Variants in PDE1C observed in about 807,000 individuals in gnomAD.
PDE1C encodes dual specificity calcium/calmodulin-dependent 3',5'-cyclic nucleotide phosphodiesterase 1C.
Under a neutral mutation model 93.1 loss-of-function variants are expected in PDE1C, and 62 were observed. That is an observed-to-expected ratio of 0.67 (90% confidence interval 0.54 to 0.82). The LOEUF is 0.82. Ranked by LOEUF, PDE1C falls within the 40% of genes least tolerant of loss-of-function variation. The pLI is 0.00. For missense variants in PDE1C, 742 were observed against 884.6 expected (o/e 0.84, Z 2.04); for synonymous variants, 325 against 310.1 (o/e 1.05, Z -0.50).
chr7:31,961,473 G>C (rs1360585840), intron 2 of PDE1C, among the ~76,000 whole-genome samples: 3 of 152,100 alleles, frequency 2.0e-5, no homozygotes, highest in African/African-American at 7.2e-5. Flanking sequence ...TAGTATCAGA[G>C]TGTGTGAGAT....
chr7:32,297,192 T>A (rs1252991032), intron 1 of PDE1C, among the ~76,000 whole-genome samples: 1 of 152,154 alleles, frequency 6.6e-6, no homozygotes, highest in Non-Finnish European at 1.5e-5. Flanking sequence ...GTTCAGTCCA[T>A]GCCCCAGAAA....
At chr7:32,085,486 C>G (rs1285379057) in intron 3 of PDE1C, among the ~76,000 whole-genome samples, 1 of 149,064 alleles carries the variant, frequency 6.7e-6, no homozygotes, top group African/African-American at 2.5e-5. Context: ...AGAGGGAATC[C>G]TCCCTAACTC....
intron 2 of PDE1C, among the ~76,000 whole-genome samples, chr7:31,942,444 C>T (rs1351458880): frequency 6.6e-6 from 1 of 152,066 alleles, no homozygotes; most frequent in Admixed American, 6.5e-5. Flanking sequence ...ATGAACCTGG[C>T]AGGATGTTGT....
At chr7:32,355,126 C>T (rs1238364795) in intron 1 of PDE1C, among the ~76,000 whole-genome samples, 1 of 152,206 alleles carries the variant, frequency 6.6e-6, no homozygotes, top group Non-Finnish European at 1.5e-5. Flanking sequence ...TAACTAACCA[C>T]AGCTCCTTCA....
At chr7:31,930,826 G>A (rs1422536568) in intron 2 of PDE1C, among the ~76,000 whole-genome samples, 1 of 117,946 alleles carries the variant, frequency 8.5e-6, no homozygotes, top group African/African-American at 3.5e-5. Flanking sequence ...TCCAGCCTGG[G>A]CAACAGAGCA....
chr7:31,908,134 A>G (rs1049133365), intron 2 of PDE1C, among the ~76,000 whole-genome samples: 6 of 152,198 alleles, frequency 3.9e-5, no homozygotes, highest in African/African-American at 9.6e-5. Context: ...TAATATTGCT[A>G]AAAAAGTGAA....
chr7:31,804,823 T>C (rs1001885474), intron 16 of PDE1C, among the ~76,000 whole-genome samples: 3 of 151,790 alleles, frequency 2.0e-5, no homozygotes, highest in African/African-American at 7.3e-5. Context: ...GGCTATTAAG[T>C]GACAGGTGGG....
At chr7:31,944,947 C>A (rs908815786) in intron 2 of PDE1C, among the ~76,000 whole-genome samples, 21 of 152,216 alleles carry the variant, frequency 1.4e-4, no homozygotes, top group African/African-American at 4.8e-4. Context: ...ATACAGAGTT[C>A]TTTCCCCTGC....
chr7:32,379,600 GT>G (rs1157875532), intron 1 of PDE1C, among the ~76,000 whole-genome samples: 1 of 152,092 alleles, frequency 6.6e-6, no homozygotes, highest in Non-Finnish European at 1.5e-5. Context: ...TTTCCTGAGG[GT>G]TTCTCTCTGG....
At chr7:32,267,125 A>C (rs62457471) in intron 1 of PDE1C, among the ~76,000 whole-genome samples, 15,162 of 152,296 alleles carry the variant, frequency 0.1, 830 homozygotes, top group Non-Finnish European at 0.1. Flanking sequence ...CAAAGCCCTG[A>C]GCAGCGGCGG....
intron 1 of PDE1C, among the ~76,000 whole-genome samples, chr7:32,347,299 C>T (rs1235537360): frequency 6.6e-6 from 1 of 152,266 alleles, no homozygotes; most frequent in African/African-American, 2.4e-5. Context: ...CTGAGTAGTA[C>T]ATGGTATTGA....
At chr7:31,768,271 A>G (rs898896101) in intron 17 of PDE1C, among the ~76,000 whole-genome samples, 1 of 152,176 alleles carries the variant, frequency 6.6e-6, no homozygotes, top group Admixed American at 6.5e-5. Flanking sequence ...ATAAATGCTA[A>G]GAAGGCCAGT....
chr7:31,926,500 G>A (rs868075745), intron 2 of PDE1C, among the ~76,000 whole-genome samples: 17 of 152,338 alleles, frequency 1.1e-4, no homozygotes, highest in South Asian at 4.1e-4. Flanking sequence ...CTACCAGTTG[G>A]ATGGCCAAAT....
intron 2 of PDE1C, among the ~76,000 whole-genome samples, chr7:32,177,390 G>A (rs1803074825): frequency 6.6e-6 from 1 of 152,182 alleles, no homozygotes; most frequent in South Asian, 2.1e-4. Context: ...AACTTGAGCT[G>A]TAACATCTGC....
At chr7:31,763,487 C>T (rs1794957173) in intron 17 of PDE1C, among the ~76,000 whole-genome samples, 1 of 152,144 alleles carries the variant, frequency 6.6e-6, no homozygotes, top group Non-Finnish European at 1.5e-5. Context: ...TGGGGCACGT[C>T]ACAGAGCTAA....
At position 32,151,230 on chromosome 7, in the gene PDE1C, C is replaced by A. The variant is rs111732416; in HGVS notation, c.308+18555G>T. On this transcript the variant is annotated intron_variant, in intron 3 of 18. Coordinates refer to the PDE1C transcript ENST00000396193. Reference sequence around the variant, plus strand: ...TTTTAAGTTAGAACCAGCCCCACCCCCACAAACAGAATGATAAAGGACTCC... The same window carrying A: ...TTTTAAGTTAGAACCAGCCCCACCCACACAAACAGAATGATAAAGGACTCC... Among the ~76,000 whole-genome samples the A allele has an allele frequency of 1.2e-3, 185 of 152,246 alleles. 1 individual carries two copies. The highest frequency in any genetic ancestry group is 4.3e-3 in the African/African-American group (177 of 41,550).
intron 1 of PDE1C, among the ~76,000 whole-genome samples, chr7:32,210,281 C>G (rs559942953): frequency 2.6e-5 from 4 of 152,300 alleles, no homozygotes; most frequent in Admixed American, 6.5e-5. Flanking sequence ...ATGTTTCATG[C>G]CCATAAACAT....
chr7:31,682,701 A>G, the PDE1C span, among the ~76,000 whole-genome samples: 1 of 152,220 alleles, frequency 6.6e-6, no homozygotes, highest in African/African-American at 2.4e-5. Context: ...CCTTTGCAAT[A>G]GACGAAACTG....
At chr7:32,117,703 T>C (rs1799061777) in intron 3 of PDE1C, among the ~76,000 whole-genome samples, 1 of 152,200 alleles carries the variant, frequency 6.6e-6, no homozygotes, top group Non-Finnish European at 1.5e-5. Context: ...TCACTCTGGC[T>C]AGAGGTGTGT....
Sources: allele counts gnomAD v4.1 joint callset (sites outside exome capture counted in the v4.1 genomes callset), GRCh38; gene constraint gnomAD v4.1.1; transcripts MANE v1.5; gene names NCBI Gene and HGNC (gene_info 2026-07-23, HGNC 2026-07-21).